The following SNX29 variants were observed in gnomAD, a reference collection of about 807,000 sequenced individuals.
SNX29 encodes sorting nexin-29.
SNX29 carries 78 observed loss-of-function variants against 102.1 expected under a neutral mutation model. That is an observed-to-expected ratio of 0.76 (90% CI 0.64 to 0.92). The LOEUF is 0.92. Ranked by LOEUF, SNX29 falls within the 40% of genes least tolerant of loss-of-function variation. SNX29 has a pLI of 0.00. For missense variants in SNX29, 1,280 were observed against 1,061.7 expected (o/e 1.21, Z -2.86); for synonymous variants, 580 against 414.5 (o/e 1.40, Z -4.85).
At chr16:12,565,323 A>C (rs1567216244) in intron 20 of SNX29, among the ~76,000 whole-genome samples, 4 of 152,208 alleles carry the variant, frequency 2.6e-5, no homozygotes. Context: ...CACTGTGCTC[A>C]GCAGTCTGGG....
chr16:11,984,159 C>T (rs1461740379), intron 1 of SNX29, among the ~76,000 whole-genome samples: 1 of 151,954 alleles, frequency 6.6e-6, no homozygotes, highest in Non-Finnish European at 1.5e-5. Flanking sequence ...TTGAGACCAG[C>T]CTGGGCAACA....
chr16:12,537,085 A>G (rs1018708124), intron 20 of SNX29, among the ~76,000 whole-genome samples: 2 of 152,196 alleles, frequency 1.3e-5, no homozygotes, highest in Non-Finnish European at 2.9e-5. Context: ...TTATCCATGT[A>G]TCTCCACCCA....
intron 20 of SNX29, chr16:12,526,665 A>G (rs2076792299): frequency 1.9e-6 from 1 of 517,204 alleles, no homozygotes; most frequent in African/African-American, 1.9e-5. Flanking sequence ...TCGCGGAGTC[A>G]TCACGCATCG....
chr16:12,304,931 G>A (rs1382372073), intron 15 of SNX29, among the ~76,000 whole-genome samples: 1 of 152,142 alleles, frequency 6.6e-6, no homozygotes, highest in Non-Finnish European at 1.5e-5. Flanking sequence ...TTTCAGCTGT[G>A]CATGTTACTA....
chr16:12,073,093 A>G lies in SNX29; in HGVS notation c.1319+3961A>G, dbSNP rs950427380. Among the ~76,000 whole-genome samples the G allele has an allele frequency of 2.3e-3, 352 of 151,860 alleles. 1 individual carries two copies. The highest frequency in any genetic ancestry group is 8.1e-3 in the African/African-American group (337 of 41,388). ...TATTAGTCTTGCTAACGGTCTATCA[A>G]TTTTGTTGATCCTTTCAAAAAACCA... On this transcript the variant is annotated intron_variant, in intron 10 of 20. Transcript: ENST00000566228.
chr16:12,238,052 T>C (rs1182132774), intron 14 of SNX29, among the ~76,000 whole-genome samples: 2 of 152,144 alleles, frequency 1.3e-5, no homozygotes, highest in African/African-American at 4.8e-5. Context: ...GGGTTGAGGT[T>C]GGATAAGGGT....
chr16:12,369,858 C>A (rs564668658), intron 16 of SNX29, among the ~76,000 whole-genome samples: 4 of 152,214 alleles, frequency 2.6e-5, no homozygotes, highest in African/African-American at 9.7e-5. Flanking sequence ...GTTAGTCACA[C>A]CTTCCGCACA....
At chr16:12,239,839 A>T (rs923475551) in intron 14 of SNX29, among the ~76,000 whole-genome samples, 1 of 151,962 alleles carries the variant, frequency 6.6e-6, no homozygotes, top group Non-Finnish European at 1.5e-5. Context: ...AATCCTGATT[A>T]TAAAGAAATA....
At chr16:12,358,398 C>T (rs1350230245) in intron 16 of SNX29, among the ~76,000 whole-genome samples, 2 of 152,082 alleles carry the variant, frequency 1.3e-5, no homozygotes, top group South Asian at 2.1e-4. Context: ...GGTGAAACCC[C>T]GTCTCTACTA....
At chr16:12,544,350 G>C (rs1313306744) in intron 20 of SNX29, among the ~76,000 whole-genome samples, 1 of 152,212 alleles carries the variant, frequency 6.6e-6, no homozygotes, top group Non-Finnish European at 1.5e-5. Flanking sequence ...CAGTACTGTT[G>C]GAAAGGAGAA....
rs138629350 is a variant in SNX29, at chr16:12,553,757, T to G, written c.2319-14749T>G. On this transcript the variant is annotated intron_variant, in intron 20 of 20. Coordinates refer to ENST00000566228, the MANE Select transcript of SNX29 (RefSeq NM_032167.5). ...CACATGCCACCACCCCCAGCCTAGT[T>G]TTTTTCCTTAAGTACAGACAGGGTT... Among the ~76,000 whole-genome samples the G allele has an allele frequency of 1.2e-4, 19 of 152,108 alleles. 2 individuals carry two copies. Among genetic ancestry groups the G allele is most frequent in the African/African-American group, 4.6e-4 (19 of 41,490 alleles).
chr16:12,270,690 T>G (rs111573468), intron 14 of SNX29, among the ~76,000 whole-genome samples: 1,793 of 152,292 alleles, frequency 0.012, 24 homozygotes, highest in Middle Eastern at 0.02. Context: ...GTGCATGTCA[T>G]CTACATGAAA....
At chr16:12,340,448 C>A (rs984122231) in intron 15 of SNX29, among the ~76,000 whole-genome samples, 1 of 152,164 alleles carries the variant, frequency 6.6e-6, no homozygotes, top group Non-Finnish European at 1.5e-5. Flanking sequence ...TGTTGTATCC[C>A]CAGTGTCTAG....
intron 19 of SNX29, among the ~76,000 whole-genome samples, chr16:12,483,114 G>GGTTTTTT (rs1555549921): frequency 1.5e-5 from 1 of 66,196 alleles, no homozygotes; most frequent in African/African-American, 6.1e-5. Flanking sequence ...AAGTTATTAA[G>GGTTTTTT]TTTTTTTTTT....
intron 20 of SNX29, among the ~76,000 whole-genome samples, chr16:12,561,599 C>T (rs917313796): frequency 6.6e-6 from 1 of 152,070 alleles, no homozygotes; most frequent in African/African-American, 2.4e-5. Flanking sequence ...ATGCTGGTGA[C>T]AGGACACAAC....
chr16:12,084,392 C>G (rs966867299), intron 11 of SNX29, among the ~76,000 whole-genome samples: 3 of 152,196 alleles, frequency 2.0e-5, no homozygotes, highest in Non-Finnish European at 4.4e-5. Flanking sequence ...GATCCGCCCA[C>G]CTCGGCTTTC....
chr16:12,438,798 A>C (rs1226093556), intron 18 of SNX29, among the ~76,000 whole-genome samples: 1 of 152,210 alleles, frequency 6.6e-6, no homozygotes, highest in Non-Finnish European at 1.5e-5. Flanking sequence ...GGAGCTAACC[A>C]GGTGTAGGGG....
intron 20 of SNX29, among the ~76,000 whole-genome samples, chr16:12,528,827 C>G (rs2076855899): frequency 6.6e-6 from 1 of 152,208 alleles, no homozygotes; most frequent in South Asian, 2.1e-4. Flanking sequence ...GGCCACTGAT[C>G]AGCTTCAGGA....
chr16:11,976,953 G>GC, intron 1 of SNX29, 140 bp downstream of exon 1: 1 of 1,135,200 alleles, frequency 8.8e-7, no homozygotes, highest in Non-Finnish European at 1.1e-6. Context: ...CAGACCCCTG[G>GC]CCCCCAGGAC....
Sources: allele counts gnomAD v4.1 joint callset (sites outside exome capture counted in the v4.1 genomes callset), GRCh38; gene constraint gnomAD v4.1.1; transcripts MANE v1.5; gene names NCBI Gene and HGNC (gene_info 2026-07-23, HGNC 2026-07-21).